The following RPH3AL variants were observed in gnomAD, a reference collection of about 807,000 sequenced individuals.
RPH3AL encodes the protein rab effector Noc2.
In RPH3AL, 38 loss-of-function variants were observed where a neutral mutation model predicts 43.1. The ratio of observed to expected loss-of-function variants is 0.88; its 90% confidence interval spans 0.68 to 1.15. The LOEUF (loss-of-function observed/expected upper bound fraction) is 1.15. RPH3AL is among the 50% of genes most tolerant of loss of function. The probability of loss-of-function intolerance (pLI) is 0.00; values close to 1 mark genes in which losing one functional copy is unlikely to be tolerated. For synonymous variants in RPH3AL, 189 were observed against 176.3 expected (o/e 1.07, Z -0.57); for missense variants, 462 against 423.2 (o/e 1.09, Z -0.81).
intron 7 of RPH3AL, among the ~76,000 whole-genome samples, chr17:228,623 C>G (rs1215850299): frequency 1.3e-5 from 2 of 152,120 alleles, no homozygotes; most frequent in Admixed American, 1.3e-4. Flanking sequence ...TGTAGGACAC[C>G]CAGGACACAG....
chr17:272,874 G>C (rs1157628123), intron 6 of RPH3AL, among the ~76,000 whole-genome samples: 2 of 151,650 alleles, frequency 1.3e-5, no homozygotes, highest in African/African-American at 4.9e-5. Context: ...CCAGAAGGAA[G>C]AAATAAAGAC....
chr17:306,493 C>T (rs1226569156), intron 5 of RPH3AL: 1 of 152,188 alleles, frequency 6.6e-6, no homozygotes, highest in African/African-American at 2.4e-5. Flanking sequence ...CAGCTGGGTG[C>T]TTGGTACCCC....
intron 7 of RPH3AL, among the ~76,000 whole-genome samples, chr17:231,301 T>C (rs1320966414): frequency 1.3e-5 from 2 of 152,138 alleles, no homozygotes; most frequent in African/African-American, 4.8e-5. Flanking sequence ...GGTCAGAGCT[T>C]AGGTTTGGGG....
intron 7 of RPH3AL, among the ~76,000 whole-genome samples, chr17:243,446 C>T (rs1293911483): frequency 6.8e-6 from 1 of 147,500 alleles, no homozygotes; most frequent in Non-Finnish European, 1.5e-5. Context: ...GATTACCTTC[C>T]TCTATTGATT....
intron 5 of RPH3AL, among the ~76,000 whole-genome samples, chr17:288,673 A>T (rs1598020505): frequency 0.01 from 3 of 286 alleles, no homozygotes; most frequent in East Asian, 0.25. Context: ...CAGACCTCGC[A>T]CCCTCTCTCT....
At position 316,993 on chromosome 17, in the gene RPH3AL, A is replaced by T. The variant is rs112425631; in HGVS notation, c.351+2427T>A. Among the ~76,000 whole-genome samples the T allele has an allele frequency of 1.1e-4, 4 of 37,832 alleles. No homozygotes were observed. In the East Asian group the frequency reaches 2.3e-3, roughly 22 times the overall value. The allele number at this position is 37,832 out of a possible 152,430, so 24.8% of individuals were successfully genotyped here. A position where few individuals can be genotyped will look rare whatever the true frequency, so the allele number is the denominator to read the frequency against. Reference sequence around the variant, plus strand: ...CCTCCATTGACCTGTAGTCCCTGTGACCCCACCTCCATTGACCTGTAGTCT... The same window carrying T: ...CCTCCATTGACCTGTAGTCCCTGTGTCCCCACCTCCATTGACCTGTAGTCT... On this transcript the variant is annotated intron_variant, in intron 5 of 9. Coordinates refer to ENST00000331302, the MANE Select transcript of RPH3AL (RefSeq NM_006987.4).
chr17:302,517 C>T (rs1006942665), intron 5 of RPH3AL, among the ~76,000 whole-genome samples: 28 of 152,310 alleles, frequency 1.8e-4, no homozygotes, highest in African/African-American at 5.8e-4. Context: ...AGGAAGCCAT[C>T]GGAGCCACAC....
At chr17:307,382 G>A (rs942345198) in intron 5 of RPH3AL, among the ~76,000 whole-genome samples, 42 of 144,908 alleles carry the variant, frequency 2.9e-4, no homozygotes, top group Non-Finnish European at 5.1e-4. Context: ...CCATCCCACG[G>A]CAGGTCCATC....
intron 5 of RPH3AL, among the ~76,000 whole-genome samples, chr17:298,521 A>AC (rs2151633571): frequency 6.8e-6 from 1 of 146,764 alleles, no homozygotes; most frequent in Admixed American, 6.9e-5. Context: ...ATACAGCGAA[A>AC]CCCCATCTCT....
intron 6 of RPH3AL, among the ~76,000 whole-genome samples, chr17:262,291 T>TC (rs1327958156): frequency 5.3e-5 from 8 of 152,096 alleles, no homozygotes; most frequent in Non-Finnish European, 1.0e-4. Flanking sequence ...CAATCTCGGC[T>TC]CACTGCAACC....
chr17:255,993 G>A (rs1282863343), intron 6 of RPH3AL, among the ~76,000 whole-genome samples: 2 of 66,424 alleles, frequency 3.0e-5, no homozygotes, highest in African/African-American at 1.1e-4. Context: ...GAGCTGCACG[G>A]TGTCTGTCCT....
chr17:333,746 T>C lies in RPH3AL; in HGVS notation c.-37+13A>G. On this transcript the variant is annotated intron_variant, in intron 2 of 9. Transcript: ENST00000331302. The surrounding 1 kb of genome is among the most constrained non-coding windows in gnomAD (Gnocchi z 4.5). ...AAATGAAGTGCATTTTTTCAGTGTA[T>C]TTTTTGAGATACCTTTTCCATAGTC... The C allele has an allele frequency of 5.7e-6, 1 of 174,130 alleles. No homozygotes were observed. The highest frequency in any genetic ancestry group is 1.3e-4 in the South Asian group (1 of 7,786). 10.8% of individuals were successfully genotyped at this position (174,130 alleles called of 1,614,324 possible). A position where few individuals can be genotyped will look rare whatever the true frequency, so the allele number is the denominator to read the frequency against.
At chr17:282,993 A>C (rs1388690163) in intron 5 of RPH3AL, among the ~76,000 whole-genome samples, 2 of 152,222 alleles carry the variant, frequency 1.3e-5, no homozygotes, top group Non-Finnish European at 2.9e-5. Flanking sequence ...AGGCCAGAAG[A>C]AGCAAGCTGG....
rs1459894932 is a variant in RPH3AL, at chr17:258,764, T to G, written c.439-11479A>C. Among the ~76,000 whole-genome samples, 6 of 149,878 alleles carry G rather than the reference T, an allele frequency of 4.0e-5. No individual in the cohort carries two copies. The East Asian group carries it at 7.8e-4, about 20-fold the overall frequency. On this transcript the variant is annotated intron_variant, in intron 6 of 9. Transcript: ENST00000331302. Reference sequence around the variant, plus strand: ...TTTTGGGATAGTCAACCCGTTTTTTTTTTTTTTTTTTTTTGAGACAGGGTC... The same window carrying G: ...TTTTGGGATAGTCAACCCGTTTTTTGTTTTTTTTTTTTTTGAGACAGGGTC...
chr17:222,863 C>T (rs2041024139), intron 7 of RPH3AL, among the ~76,000 whole-genome samples: 1 of 152,174 alleles, frequency 6.6e-6, no homozygotes, highest in Non-Finnish European at 1.5e-5. Flanking sequence ...ACCCCTAATT[C>T]CATATATTTT....
chr17:270,934 T>C (rs2042448087), intron 6 of RPH3AL, among the ~76,000 whole-genome samples: 1 of 152,222 alleles, frequency 6.6e-6, no homozygotes, highest in African/African-American at 2.4e-5. Flanking sequence ...CTTTAATCCA[T>C]CTTGAATTAA....
chr17:272,950 CAAGG>C lies in RPH3AL; in HGVS notation c.438+8814_438+8817del, dbSNP rs1567604223. ...GGGCGACATCAGGGAGAGACCCCAG[CAAGG>C]GCTACGTCAGGGTGAGACCCCAGCA... On this transcript the variant is annotated intron_variant, in intron 6 of 9. Transcript: ENST00000331302. Among the ~76,000 whole-genome samples, 90 of 50,038 alleles carry C rather than the reference CAAGG, an allele frequency of 1.8e-3. 1 individual carries two copies. Among genetic ancestry groups the C allele is most frequent in the Middle Eastern group, 8.2e-3 (1 of 122 alleles). 32.8% of individuals were successfully genotyped at this position (50,038 alleles called of 152,430 possible). A position where few individuals can be genotyped will look rare whatever the true frequency, so the allele number is the denominator to read the frequency against.
At chr17:244,928 T>C (rs752717828) in intron 7 of RPH3AL, among the ~76,000 whole-genome samples, 10 of 152,144 alleles carry the variant, frequency 6.6e-5, no homozygotes, top group South Asian at 6.2e-4. Flanking sequence ...TGCATGAGTG[T>C]AACGCTAGTG....
intron 3 of RPH3AL, among the ~76,000 whole-genome samples, chr17:324,514 C>T (rs1047917133): frequency 6.6e-6 from 1 of 152,202 alleles, no homozygotes; most frequent in African/African-American, 2.4e-5. Context: ...TTCCCCTGCA[C>T]GTTCCCCGCA....
Sources: gnomAD v4.1 joint callset for allele counts (sites outside exome capture counted in the v4.1 genomes callset) on GRCh38, gnomAD v4.1.1 for gene constraint, Gnocchi (gnomAD v3.1) non-coding constraint, MANE v1.5 for transcripts, NCBI Gene and HGNC (gene_info 2026-07-23, HGNC 2026-07-21) for gene names.